Variants in ZCCHC4 observed in about 807,000 individuals in gnomAD.
The protein encoded by ZCCHC4 is rRNA N(6)-adenosine-methyltransferase ZCCHC4.
A neutral mutation model predicts 67.7 loss-of-function variants in ZCCHC4; 54 were observed. The ratio of observed to expected loss-of-function variants is 0.80; its 90% confidence interval spans 0.64 to 1.00. The LOEUF is 1.00. Among genes scored for constraint, ZCCHC4 ranks in the 50% least tolerant of loss-of-function variants. ZCCHC4 has a pLI of 0.00. For missense variants in ZCCHC4, 609 were observed against 617.0 expected (o/e 0.99, Z 0.14); for synonymous variants, 198 against 213.5 (o/e 0.93, Z 0.63).
At chr4:25,355,711 T>C (rs1720490228) in intron 8 of ZCCHC4, among the ~76,000 whole-genome samples, 1 of 152,168 alleles carries the variant, frequency 6.6e-6, no homozygotes, top group Non-Finnish European at 1.5e-5. Flanking sequence ...TTATTGCAAA[T>C]TAAAAGATGG....
chr4:25,324,816 G>T (rs796645049), intron 3 of ZCCHC4, among the ~76,000 whole-genome samples: 9 of 152,238 alleles, frequency 5.9e-5, no homozygotes, highest in African/African-American at 1.9e-4. Flanking sequence ...TGTGCTTATT[G>T]ACTGTTTTTG....
chr4:25,321,638 G>T (rs559323499), intron 3 of ZCCHC4, among the ~76,000 whole-genome samples: 2 of 152,236 alleles, frequency 1.3e-5, no homozygotes, highest in Admixed American at 6.5e-5. Context: ...CTCCCAAAGT[G>T]CTGGGATTAC....
At chr4:25,317,043 T>C (rs1718299925) in intron 3 of ZCCHC4, among the ~76,000 whole-genome samples, 1 of 152,260 alleles carries the variant, frequency 6.6e-6, no homozygotes, top group Non-Finnish European at 1.5e-5. Flanking sequence ...GACAAACTTG[T>C]GAAAAGAATT....
rs980212082 is a variant in ZCCHC4, at chr4:25,326,428, T to C, written c.330-6755T>C. On this transcript the variant is annotated intron_variant, in intron 3 of 12. Coordinates refer to ENST00000302874, the MANE Select transcript of ZCCHC4 (RefSeq NM_024936.3). ...CCTATATGTGTATTCACAGGTTCCA[T>C]ATTCTCTTTGGTAGGATGTGGGGAG... Among the ~76,000 whole-genome samples the C allele has an allele frequency of 4.6e-5, 7 of 152,378 alleles. No individual in the cohort carries two copies. The South Asian group carries it at 1.2e-3, about 27-fold the overall frequency.
intron 10 of ZCCHC4, among the ~76,000 whole-genome samples, chr4:25,362,812 CTATT>C (rs889252874): frequency 3.9e-4 from 60 of 152,214 alleles, no homozygotes; most frequent in African/African-American, 1.4e-3. Flanking sequence ...GGACATCCTC[CTATT>C]TATTTATTTA....
At chr4:25,361,521 A>G (rs1720736235) in intron 8 of ZCCHC4, among the ~76,000 whole-genome samples, 1 of 152,226 alleles carries the variant, frequency 6.6e-6, no homozygotes, top group African/African-American at 2.4e-5. Flanking sequence ...CTTGGCCTGG[A>G]GCCATTGTTG....
chr4:25,360,881 C>T (rs569484808), intron 8 of ZCCHC4, among the ~76,000 whole-genome samples: 1 of 152,338 alleles, frequency 6.6e-6, no homozygotes, highest in Admixed American at 6.5e-5. Flanking sequence ...AGTACTGATA[C>T]CATATGGTTT....
chr4:25,343,127 A>C (rs1308220023), intron 5 of ZCCHC4, among the ~76,000 whole-genome samples: 3 of 152,166 alleles, frequency 2.0e-5, no homozygotes, highest in African/African-American at 7.2e-5. Context: ...CTTTTTTTAA[A>C]GGCAGTTATG....
At chr4:25,341,450 C>T (rs1194098995) in intron 5 of ZCCHC4, among the ~76,000 whole-genome samples, 1 of 152,150 alleles carries the variant, frequency 6.6e-6, no homozygotes, top group Non-Finnish European at 1.5e-5. Flanking sequence ...TTGGCACCTG[C>T]TCCTCTCTTT....
Position 25,331,938 on chromosome 4 carries a change from A to C in ZCCHC4, c.330-1245A>C, listed in dbSNP as rs75027873. Among the ~76,000 whole-genome samples the C allele has an allele frequency of 5.4e-3, 815 of 152,334 alleles. 8 individuals are homozygous for C. The highest frequency in any genetic ancestry group is 0.027 in the Middle Eastern group (8 of 294). Reference sequence around the variant, plus strand: ...AAGTGAAACTGTGCTTAGATATAAAAAGTTTAAAACTCACTTTGATTACAT... The same window carrying C: ...AAGTGAAACTGTGCTTAGATATAAACAGTTTAAAACTCACTTTGATTACAT... On this transcript the variant is annotated intron_variant, in intron 3 of 12. Transcript: ENST00000302874.
chr4:25,322,357 C>T (rs1429063707), intron 3 of ZCCHC4, among the ~76,000 whole-genome samples: 2 of 152,192 alleles, frequency 1.3e-5, no homozygotes, highest in African/African-American at 4.8e-5. Context: ...CCCACCCCAG[C>T]TTCTAGCAAC....
At chr4:25,313,385 G>T (rs948515804) in intron 1 of ZCCHC4, among the ~76,000 whole-genome samples, 1 of 152,156 alleles carries the variant, frequency 6.6e-6, no homozygotes, top group Admixed American at 6.5e-5. Flanking sequence ...TTCACTGCAA[G>T]GGTAACCGCG....
chr4:25,323,128 C>T lies in ZCCHC4; in HGVS notation c.329+7728C>T, dbSNP rs1052155605. On this transcript the variant is annotated intron_variant, in intron 3 of 12. Coordinates refer to ENST00000302874, the MANE Select transcript of ZCCHC4 (RefSeq NM_024936.3). ...TCCATTACAAAGCTCCCCATCAGCC[C>T]TTTGTCTAATGATTTTAGCTGTAAC... 2.0e-5 allele frequency among the ~76,000 whole-genome samples: 3 copies of T among 152,202 alleles called. 1 individual carries two copies. In the South Asian group the frequency reaches 6.2e-4, roughly 31 times the overall value.
At chr4:25,317,189 G>A (rs1302912706) in intron 3 of ZCCHC4, among the ~76,000 whole-genome samples, 1 of 152,156 alleles carries the variant, frequency 6.6e-6, no homozygotes, top group Non-Finnish European at 1.5e-5. Context: ...GGGCTGCTGT[G>A]TTCAGAAAGA....
chr4:25,313,340 C>T (rs1036299203), intron 1 of ZCCHC4, among the ~76,000 whole-genome samples: 4 of 152,186 alleles, frequency 2.6e-5, no homozygotes, highest in Non-Finnish European at 4.4e-5. Context: ...CTCTAACTTA[C>T]AGAAAGTGGG....
rs141777783 is a variant in ZCCHC4 at position 25,312,873 on chromosome 4, A to C, written c.64A>C (p.Ser22Arg). 6.2e-7 allele frequency: 1 copy of C among 1,612,834 alleles called. No individual in the cohort carries two copies. Among genetic ancestry groups the C allele is most frequent in the South Asian group, 1.1e-5 (1 of 91,010 alleles). Residue 22 changes from serine to arginine, a missense_variant, in exon 1 of 13, where the codon AGC becomes CGC. By Grantham distance (110) the Ser-to-Arg change is moderately radical (BLOSUM62 -1). Transcript: ENST00000302874. Reference protein sequence around the residue: ...EAEGSAGCRGSSGMEVVLPLD... With the variant: ...EAEGSAGCRGRSGMEVVLPLD... Reference sequence around the variant, plus strand: ...AGAGGGCAGCGCAGGGTGCCGGGGAAGCTCGGGAATGGAGGTGGTGCTTCC... The same window carrying C: ...AGAGGGCAGCGCAGGGTGCCGGGGACGCTCGGGAATGGAGGTGGTGCTTCC...
intron 7 of ZCCHC4, among the ~76,000 whole-genome samples, chr4:25,350,276 T>TTTTG (rs1317157713): frequency 1.5e-3 from 219 of 146,512 alleles, no homozygotes; most frequent in African/African-American, 5.5e-3. Context: ...TTTTTTTTTT[T>TTTTG]TTGAGACAGA....
At position 25,345,614 on chromosome 4, in the gene ZCCHC4, T is replaced by C; in HGVS notation, c.753T>C (p.Asp251=). 3 of 1,566,428 alleles carry C rather than the reference T, an allele frequency of 1.9e-6. No individual in the cohort carries two copies. Among genetic ancestry groups the C allele is most frequent in the Non-Finnish European group, 2.6e-6 (3 of 1,141,242 alleles). The part of the protein sequence containing the change: ...HYNMFNHHFF[D]GKTALEVCRA... ...ATATGTTTAACCATCATTTCTTTGA[T>C]GGAAAGGTAAGAGCTGTGACCATTA... Residue 251 remains aspartate (D), a synonymous_variant, in exon 6 of 13, where the codon GAT becomes GAC. Coordinates refer to ENST00000302874, the MANE Select transcript of ZCCHC4 (RefSeq NM_024936.3).
chr4:25,319,900 A>G (rs1400594931), intron 3 of ZCCHC4, among the ~76,000 whole-genome samples: 1 of 152,118 alleles, frequency 6.6e-6, no homozygotes, highest in Non-Finnish European at 1.5e-5. Context: ...TGATTCTTAA[A>G]ATTATACATA....
Sources: gnomAD v4.1 joint callset for allele counts (sites outside exome capture counted in the v4.1 genomes callset) on GRCh38, gnomAD v4.1.1 for gene constraint, MANE v1.5 for transcripts, NCBI Gene and HGNC (gene_info 2026-07-23, HGNC 2026-07-21) for gene names.